Variants in UBR7 observed in about 807,000 individuals in gnomAD.
UBR7 encodes putative E3 ubiquitin-protein ligase UBR7.
In UBR7, 22 loss-of-function variants were observed where a neutral mutation model predicts 57.0. That is an observed-to-expected ratio of 0.39 (90% CI 0.28 to 0.55). The LOEUF (loss-of-function observed/expected upper bound fraction) is 0.55. Ranked by LOEUF, UBR7 falls within the 20% of genes least tolerant of loss-of-function variation. UBR7 has a pLI of 0.69. For synonymous variants in UBR7, 167 were observed against 179.8 expected (o/e 0.93, Z 0.57); for missense variants, 395 against 513.2 (o/e 0.77, Z 2.23).
intron 4 of UBR7, 58 bp downstream of exon 4, chr14:93,212,185 CTGCT>C: frequency 7.7e-7 from 1 of 1,300,048 alleles, no homozygotes; most frequent in East Asian, 2.4e-5. Context: ...GATTCCTCAA[CTGCT>C]TGTCATATCC....
Position 93,227,365 on chromosome 14 carries a change from A to T in UBR7, c.*330A>T, listed in dbSNP as rs1253833941. On this transcript the variant is annotated 3_prime_UTR_variant, in exon 11 of 11. Coordinates refer to ENST00000013070, the MANE Select transcript of UBR7 (RefSeq NM_175748.4). ...GTCTTGTTTAATGATCTGTTATTTCACTCCCAGATGTGTGTGTTTTGCCAC... is the reference window on the plus strand; with the variant it reads ...GTCTTGTTTAATGATCTGTTATTTCTCTCCCAGATGTGTGTGTTTTGCCAC... 1 of 629,790 alleles carries T rather than the reference A, an allele frequency of 1.6e-6. No homozygotes were observed. The highest frequency in any genetic ancestry group is 2.1e-5 in the Admixed American group (1 of 47,816). The allele number at this position is 629,790 out of a possible 1,614,324, so 39.0% of individuals were successfully genotyped here. A position where few individuals can be genotyped will look rare whatever the true frequency, so the allele number is the denominator to read the frequency against.
At chr14:93,213,366 G>A (rs1014597027) in intron 4 of UBR7, among the ~76,000 whole-genome samples, 1 of 150,638 alleles carries the variant, frequency 6.6e-6, no homozygotes, top group African/African-American at 2.4e-5. Context: ...GGAATGCAGT[G>A]GCGCGATCTC....
chr14:93,224,238 C>T, intron 10 of UBR7: 1 of 493,308 alleles, frequency 2.0e-6, no homozygotes, highest in Non-Finnish European at 3.6e-6. Flanking sequence ...AATTTCTGGA[C>T]AGGGTCACAG....
intron 10 of UBR7, among the ~76,000 whole-genome samples, chr14:93,226,518 C>T (rs1239494950): frequency 6.6e-6 from 1 of 152,094 alleles, no homozygotes. Context: ...AGGCTGGGCA[C>T]GGTGGCTCAC....
intron 2 of UBR7, 110 bp downstream of exon 2, chr14:93,210,067 A>G (rs550539363): frequency 2.4e-5 from 15 of 634,412 alleles, no homozygotes; most frequent in Middle Eastern, 5.4e-4. Flanking sequence ...AACACTAATG[A>G]AATTAATTAA....
rs1156883523 is a variant in UBR7 at position 93,219,340 on chromosome 14, G to A, written c.939G>A (p.Leu313=). The change falls in exon 8 of 11, where the codon TTG becomes TTA. Residue 313 remains leucine, a synonymous_variant. Coordinates refer to ENST00000013070, the MANE Select transcript of UBR7 (RefSeq NM_175748.4). ...GGCCCCTGAACTGGCGTAGCAAGTT[G>A]TGTACCTGCCAAGACTGTATGGTAA... The part of the protein sequence containing the change: ...TYWPLNWRSK[L]CTCQDCMKMY... 23 of 1,614,094 alleles carry A rather than the reference G, an allele frequency of 1.4e-5. No homozygotes were observed. Among genetic ancestry groups the A allele is most frequent in the Middle Eastern group, 1.6e-4 (1 of 6,084 alleles).
chr14:93,211,445 G>A (rs988845438), intron 3 of UBR7, among the ~76,000 whole-genome samples: 1 of 151,740 alleles, frequency 6.6e-6, no homozygotes, highest in Non-Finnish European at 1.5e-5. Context: ...TACTTGGGAG[G>A]CTGAGGCAGG....
intron 6 of UBR7, among the ~76,000 whole-genome samples, chr14:93,217,424 A>G (rs1894612688): frequency 6.6e-6 from 1 of 152,184 alleles, no homozygotes; most frequent in African/African-American, 2.4e-5. Flanking sequence ...GCTGGCATCC[A>G]ATGTGAGCTC....
intron 10 of UBR7, chr14:93,223,635 G>T: frequency 7.3e-7 from 1 of 1,377,980 alleles, no homozygotes; most frequent in African/African-American, 1.4e-5. Context: ...GGTGAAGCGT[G>T]GCTTGGGCTG....
intron 4 of UBR7, among the ~76,000 whole-genome samples, chr14:93,214,194 T>C (rs986944760): frequency 5.9e-5 from 9 of 152,358 alleles, no homozygotes; most frequent in African/African-American, 2.2e-4. Context: ...TCCAAAGTGC[T>C]GGGATTATAG....
chr14:93,227,997 T>C lies in UBR7; in HGVS notation c.*962T>C, dbSNP rs1031648425. The C allele has an allele frequency of 2.9e-6, 2 of 698,914 alleles. No homozygotes were observed. Among genetic ancestry groups the C allele is most frequent in the African/African-American group, 3.5e-5 (2 of 57,056 alleles). 43.3% of individuals were successfully genotyped at this position (698,914 alleles called of 1,614,324 possible). A position where few individuals can be genotyped will look rare whatever the true frequency, so the allele number is the denominator to read the frequency against. ...TTATTAGAACCCCAATAAATTATTA[T>C]TTTTCCCCCTTGAATCTGCTAAAGA... is the stretch of plus-strand genomic sequence containing the variant. On this transcript the variant is annotated 3_prime_UTR_variant, in exon 11 of 11. Coordinates refer to ENST00000013070, the MANE Select transcript of UBR7 (RefSeq NM_175748.4).
chr14:93,211,033 C>T (rs953789615), intron 3 of UBR7, among the ~76,000 whole-genome samples: 3 of 152,108 alleles, frequency 2.0e-5, no homozygotes, highest in Admixed American at 6.5e-5. Context: ...GTCAAGAGAT[C>T]GAGACCATCC....
In UBR7 at chr14:93,228,279, C is replaced by T. The variant is rs1487954458; in HGVS notation, c.*1244C>T. 2 of 460,708 alleles carry T rather than the reference C, an allele frequency of 4.3e-6. No individual in the cohort carries two copies. Among genetic ancestry groups the T allele is most frequent in the Non-Finnish European group, 8.7e-6 (2 of 231,024 alleles). 28.5% of individuals were successfully genotyped at this position (460,708 alleles called of 1,614,324 possible). Reference sequence around the variant, plus strand: ...TTGATATGAGATCTCTTTAACACCCCTCAGTCTATGTAGGAAATGCCTTGT... The same window carrying T: ...TTGATATGAGATCTCTTTAACACCCTTCAGTCTATGTAGGAAATGCCTTGT... On this transcript the variant is annotated 3_prime_UTR_variant, in exon 11 of 11. Coordinates refer to ENST00000013070, the MANE Select transcript of UBR7 (RefSeq NM_175748.4).
intron 4 of UBR7, among the ~76,000 whole-genome samples, chr14:93,212,584 G>T (rs1328605918): frequency 6.6e-6 from 1 of 152,134 alleles, no homozygotes; most frequent in African/African-American, 2.4e-5. Context: ...TAACACTTTT[G>T]GTGTGTATAT....
Position 93,227,689 on chromosome 14 carries a change from C to T in UBR7, c.*654C>T. The T allele has an allele frequency of 1.4e-6, 1 of 700,820 alleles. No homozygotes were observed. Among genetic ancestry groups the T allele is most frequent in the Non-Finnish European group, 2.6e-6 (1 of 384,836 alleles). 43.4% of individuals were successfully genotyped at this position (700,820 alleles called of 1,614,324 possible). The stretch of plus-strand genomic sequence containing the variant: ...TTAACAGATGACAGGGTTGAGGAAG[C>T]AAGCCTTTGTTATGAATTTTACTAA... On this transcript the variant is annotated 3_prime_UTR_variant, in exon 11 of 11. Coordinates refer to ENST00000013070, the MANE Select transcript of UBR7 (RefSeq NM_175748.4).
intron 7 of UBR7, 94 bp downstream of exon 7, chr14:93,218,829 CG>C: frequency 7.6e-7 from 1 of 1,319,018 alleles, no homozygotes; most frequent in South Asian, 1.4e-5. Context: ...GCTGAGGTGG[CG>C]GATCACCTGA....
chr14:93,219,572 T>C (rs970668131), intron 8 of UBR7, among the ~76,000 whole-genome samples: 3 of 152,240 alleles, frequency 2.0e-5, no homozygotes, highest in African/African-American at 7.2e-5. Flanking sequence ...ACAGTTGGAA[T>C]GTTTGTGGAA....
At position 93,223,691 on chromosome 14, in the gene UBR7, G is replaced by A. The variant is rs190353286; in HGVS notation, c.1185+1317G>A. 1.2e-4 allele frequency: 129 copies of A among 1,103,902 alleles called. 1 individual carries two copies. The highest frequency in any genetic ancestry group is 6.7e-4 in the Admixed American group (37 of 55,274). The allele number at this position is 1,103,902 out of a possible 1,614,324, so 68.4% of individuals were successfully genotyped here. On this transcript the variant is annotated intron_variant, in intron 10 of 10. Coordinates refer to ENST00000013070, the MANE Select transcript of UBR7 (RefSeq NM_175748.4). ...CAGCGGGAAACTTGATCTTGGAGTC[G>A]TGGAACTGCTTGATGGCCGGCCGGC...
At chr14:93,222,508 G>T in intron 10 of UBR7, 134 bp downstream of exon 10, 1 of 717,354 alleles carries the variant, frequency 1.4e-6, no homozygotes, top group Non-Finnish European at 2.5e-6. Context: ...ACTTTGGGAG[G>T]CCAATGTGGG....
Sources: gnomAD v4.1 joint callset for allele counts (sites outside exome capture counted in the v4.1 genomes callset) on GRCh38, gnomAD v4.1.1 for gene constraint, MANE v1.5 for transcripts, NCBI Gene and HGNC (gene_info 2026-07-23, HGNC 2026-07-21) for gene names.